PDZD2: variants seen among roughly 807,000 people sequenced by gnomAD.
The protein encoded by PDZD2 is PDZ domain-containing protein 2.
In PDZD2, 90 loss-of-function variants were observed where a neutral mutation model predicts 220.7. The observed-to-expected ratio is 0.41, with a 90% confidence interval of 0.34 to 0.49. The LOEUF is 0.49. Ranked by LOEUF, PDZD2 falls within the 20% of genes least tolerant of loss-of-function variation. The pLI is 0.28. For missense variants in PDZD2, 3,174 were observed against 3,608.5 expected (o/e 0.88, Z 3.08); for synonymous variants, 1,375 against 1,450.5 (o/e 0.95, Z 1.18).
intron 2 of PDZD2, among the ~76,000 whole-genome samples, chr5:31,919,858 A>ATTT (rs3037133): frequency 0.21 from 30,765 of 148,336 alleles, 4,458 homozygotes; most frequent in East Asian, 0.46. Context: ...CTAAAAAACA[A>ATTT]TTTTTTTTTT....
chr5:31,868,480 G>A (rs1344423311), intron 2 of PDZD2, among the ~76,000 whole-genome samples: 1 of 152,120 alleles, frequency 6.6e-6, no homozygotes, highest in Non-Finnish European at 1.5e-5. Flanking sequence ...TCCCGCGTGA[G>A]TTTGGGAAAA....
At chr5:31,737,167 CTTTTTTT>C (rs57379430) in intron 1 of PDZD2, among the ~76,000 whole-genome samples, 5 of 66,300 alleles carry the variant, frequency 7.5e-5, no homozygotes, top group African/African-American at 1.3e-4. Flanking sequence ...CAGTCTACTT[CTTTTTTT>C]TTTTTTTTTT....
In PDZD2 at chr5:31,719,884, T is replaced by C. The variant is rs988992111; in HGVS notation, c.-360-79005T>C. On this transcript the variant is annotated intron_variant, in intron 1 of 24. Coordinates refer to ENST00000438447, the MANE Select transcript of PDZD2 (RefSeq NM_178140.4). ...GGACCTCAGTTACCAGTTAAGAATT[T>C]TAGTTGCAAAACACAGAATCAACTC... Among the ~76,000 whole-genome samples the C allele has an allele frequency of 2.0e-5, 3 of 152,232 alleles. No homozygotes were observed. The East Asian group carries it at 5.8e-4, about 29-fold the overall frequency.
At chr5:31,713,503 T>C (rs1748251107) in intron 1 of PDZD2, among the ~76,000 whole-genome samples, 1 of 152,220 alleles carries the variant, frequency 6.6e-6, no homozygotes. Context: ...GCAAATCTCA[T>C]GTTGAAATCT....
intron 1 of PDZD2, among the ~76,000 whole-genome samples, chr5:31,766,030 A>G (rs1462586585): frequency 1.3e-5 from 2 of 152,010 alleles, no homozygotes; most frequent in Non-Finnish European, 2.9e-5. Flanking sequence ...AATTACAAAA[A>G]TTAGCTGGGC....
In PDZD2 at chr5:32,073,978, C is replaced by T. The variant is rs1359009626; in HGVS notation, c.2872C>T (p.Arg958Cys). 8.1e-6 allele frequency: 13 copies of T among 1,614,086 alleles called. No homozygotes were observed. Among genetic ancestry groups the T allele is most frequent in the East Asian group, 2.2e-5 (1 of 44,878 alleles). Residue 958 changes from arginine (R) to cysteine (C), a missense_variant, in exon 18 of 25, where the codon CGC becomes TGC. This residue lies in a region of PDZD2 where 1,861 missense variants were observed against 2,001.0 expected (regional missense o/e 0.93). Transcript: ENST00000438447. ...ACAGGCCCTCCGAAACCCTCTCCTC[C>T]GCCAGAGGAAGGTAGGCTGCTACGA... ...SPQALRNPLLRQRKVGCYDAN... is the reference protein window; with the variant it reads ...SPQALRNPLLCQRKVGCYDAN...
intron 1 of PDZD2, among the ~76,000 whole-genome samples, chr5:31,720,870 G>T (rs899150578): frequency 6.6e-6 from 1 of 152,188 alleles, no homozygotes; most frequent in Admixed American, 6.5e-5. Context: ...GAGAAGGTGG[G>T]AGTTAGGGTA....
intron 2 of PDZD2, among the ~76,000 whole-genome samples, chr5:31,919,204 GTC>G (rs1177607312): frequency 1.3e-5 from 2 of 152,170 alleles, no homozygotes; most frequent in Non-Finnish European, 2.9e-5. Context: ...CTAAAGCACT[GTC>G]TCTTGATTTT....
At chr5:31,681,041 A>G (rs1746633713) in intron 1 of PDZD2, among the ~76,000 whole-genome samples, 1 of 151,874 alleles carries the variant, frequency 6.6e-6, no homozygotes, top group South Asian at 2.1e-4. Flanking sequence ...TCAAGTCAAC[A>G]CCTGTAAAAT....
At chr5:31,927,774 T>C (rs866146702) in intron 2 of PDZD2, among the ~76,000 whole-genome samples, 1 of 152,208 alleles carries the variant, frequency 6.6e-6, no homozygotes, top group East Asian at 1.9e-4. Context: ...TCTTTTTCAA[T>C]GGACCTAATA....
rs75185669 is a variant in PDZD2 at position 31,753,639 on chromosome 5, C to T, written c.-360-45250C>T. On this transcript the variant is annotated intron_variant, in intron 1 of 24. Coordinates refer to ENST00000438447, the MANE Select transcript of PDZD2 (RefSeq NM_178140.4). ...AATAAACAAACAAACAAACAAACAGCGAAGTTTGGCTCCAGATAACCCACA... is the reference window on the plus strand; with the variant it reads ...AATAAACAAACAAACAAACAAACAGTGAAGTTTGGCTCCAGATAACCCACA... 8.6e-3 allele frequency among the ~76,000 whole-genome samples: 1,271 copies of T among 147,230 alleles called. 17 individuals carry two copies. Among genetic ancestry groups the T allele is most frequent in the African/African-American group, 0.031 (1,220 of 39,868 alleles).
intron 1 of PDZD2, among the ~76,000 whole-genome samples, chr5:31,712,262 T>G (rs576124299): frequency 6.6e-6 from 1 of 152,244 alleles, no homozygotes; most frequent in East Asian, 1.9e-4. Flanking sequence ...TTGCTTATGA[T>G]TATTTGGGCC....
chr5:31,909,829 T>C (rs549072272), intron 2 of PDZD2, among the ~76,000 whole-genome samples: 23 of 152,330 alleles, frequency 1.5e-4, no homozygotes, highest in Middle Eastern at 3.4e-3. Context: ...GAGTCAGTTT[T>C]AAGGGTGTAT....
In PDZD2 at chr5:31,688,182, G is replaced by A. The variant is rs749593412; in HGVS notation, c.-361+48745G>A. 2.6e-5 allele frequency among the ~76,000 whole-genome samples: 4 copies of A among 152,124 alleles called. No homozygotes were observed. In the East Asian group the frequency reaches 7.7e-4, roughly 29 times the overall value. On this transcript the variant is annotated intron_variant, in intron 1 of 24. Coordinates refer to ENST00000438447, the MANE Select transcript of PDZD2 (RefSeq NM_178140.4). ...TTACAAGAGTAGGATAAATAAAGAT[G>A]ATAAATGGCCTCAGGGTGGTTGAGA...
intron 2 of PDZD2, among the ~76,000 whole-genome samples, chr5:31,883,023 C>CAAA (rs781370177): frequency 0.054 from 2,565 of 47,486 alleles, 241 homozygotes; most frequent in African/African-American, 0.13. Flanking sequence ...GACTCTGTCT[C>CAAA]AAAAAAAAAA....
chr5:31,913,223 C>T (rs968626854), intron 2 of PDZD2, among the ~76,000 whole-genome samples: 7 of 152,066 alleles, frequency 4.6e-5, no homozygotes, highest in African/African-American at 1.7e-4. Context: ...TGCCTGTAGT[C>T]CCAGCCACTC....
chr5:31,932,846 AT>A (rs1176854017), intron 2 of PDZD2, among the ~76,000 whole-genome samples: 18 of 151,392 alleles, frequency 1.2e-4, no homozygotes, highest in African/African-American at 4.1e-4. Context: ...GCCTCATACG[AT>A]TAAAATCATA....
intron 5 of PDZD2, among the ~76,000 whole-genome samples, chr5:32,003,118 ACG>A (rs1561315560): frequency 3.5e-5 from 1 of 28,246 alleles, no homozygotes; most frequent in Non-Finnish European, 2.0e-4. Context: ...CAAACACACC[ACG>A]CGCCACACAC....
At chr5:31,776,545 T>C (rs1752665671) in intron 1 of PDZD2, among the ~76,000 whole-genome samples, 1 of 151,454 alleles carries the variant, frequency 6.6e-6, no homozygotes. Context: ...CTCGAACTCC[T>C]GACCTCGTGA....
Sources: gnomAD v4.1 joint callset for allele counts (sites outside exome capture counted in the v4.1 genomes callset) on GRCh38, gnomAD v4.1.1 for gene constraint, gnomAD v4.1.1 regional missense constraint, MANE v1.5 for transcripts, NCBI Gene and HGNC (gene_info 2026-07-23, HGNC 2026-07-21) for gene names.